Variants in SMAP1 observed in about 807,000 individuals in gnomAD.
The protein encoded by SMAP1 is stromal membrane-associated protein 1.
A neutral mutation model predicts 58.5 loss-of-function variants in SMAP1; 24 were observed. The ratio of observed to expected loss-of-function variants is 0.41; its 90% CI spans 0.30 to 0.58. The LOEUF (loss-of-function observed/expected upper bound fraction) is 0.58. SMAP1 is among the 20% of genes least tolerant of loss of function. The pLI is 0.29. For missense variants in SMAP1, 563 were observed against 566.3 expected (o/e 0.99, Z 0.06); for synonymous variants, 216 against 196.6 (o/e 1.10, Z -0.82).
chr6:70,786,310 A>G (rs1312700742), intron 4 of SMAP1, among the ~76,000 whole-genome samples: 1 of 146,532 alleles, frequency 6.8e-6, no homozygotes, highest in Non-Finnish European at 1.5e-5. Context: ...TCTCAAAATA[A>G]TAACAGCTAT....
intron 4 of SMAP1, among the ~76,000 whole-genome samples, chr6:70,786,183 C>G (rs917581956): frequency 2.0e-5 from 3 of 150,886 alleles, no homozygotes; most frequent in Non-Finnish European, 4.4e-5. Context: ...AGCATATAAA[C>G]AGAACCAAAG....
At chr6:70,684,823 C>G (rs1766866814) in intron 1 of SMAP1, among the ~76,000 whole-genome samples, 1 of 152,110 alleles carries the variant, frequency 6.6e-6, no homozygotes, top group Non-Finnish European at 1.5e-5. Context: ...GTAGTCACTG[C>G]TCTTCTCTTC....
intron 6 of SMAP1, among the ~76,000 whole-genome samples, chr6:70,810,997 ACAACTGTG>A (rs1769363732): frequency 6.6e-6 from 1 of 152,230 alleles, no homozygotes; most frequent in South Asian, 2.1e-4. Context: ...TAATCTGTGT[ACAACTGTG>A]TAATAACTTC....
chr6:70,810,566 C>T (rs1769342832), intron 6 of SMAP1, among the ~76,000 whole-genome samples: 2 of 151,942 alleles, frequency 1.3e-5, no homozygotes, highest in South Asian at 4.1e-4. Flanking sequence ...AATATTTTGA[C>T]TGACTTTTCT....
intron 7 of SMAP1, among the ~76,000 whole-genome samples, chr6:70,851,433 G>A (rs1771181051): frequency 6.6e-6 from 1 of 152,182 alleles, no homozygotes; most frequent in Non-Finnish European, 1.5e-5. Flanking sequence ...ATTCATTGTT[G>A]AAAAGGTTTT....
intron 5 of SMAP1, among the ~76,000 whole-genome samples, chr6:70,794,206 A>T (rs1768497997): frequency 6.6e-6 from 1 of 152,178 alleles, no homozygotes; most frequent in African/African-American, 2.4e-5. Context: ...ACTATTTTAA[A>T]ATATAAAATA....
chr6:70,789,517 T>A (rs1768244456), intron 4 of SMAP1, among the ~76,000 whole-genome samples: 1 of 151,984 alleles, frequency 6.6e-6, no homozygotes. Flanking sequence ...CATTGACTTT[T>A]CAAATGTCTT....
rs751015500 is a variant in SMAP1 at position 70,858,139 on chromosome 6, C to T, written c.1179C>T (p.Gly393=). The change falls in exon 10 of 11, where the codon GGC becomes GGT. Residue 393 remains glycine, a synonymous_variant. Transcript: ENST00000370455. ...GVMPLPQNVV[G]PQGGMVGQMG... ...TGCCACTTCCTCAGAACGTTGTTGG[C>T]CCCCAAGGAGGAATGGTGGGACAAA... 2.5e-6 allele frequency: 4 copies of T among 1,613,932 alleles called. No individual in the cohort carries two copies. In the Admixed American group the frequency reaches 5.0e-5, roughly 20 times the overall value.
At chr6:70,847,818 T>C (rs1771048808) in intron 7 of SMAP1, among the ~76,000 whole-genome samples, 1 of 152,230 alleles carries the variant, frequency 6.6e-6, no homozygotes, top group Non-Finnish European at 1.5e-5. Context: ...GAATTCTGAT[T>C]AGTTTTCACA....
chr6:70,681,852 G>T (rs2128552053), intron 1 of SMAP1, among the ~76,000 whole-genome samples: 1 of 152,280 alleles, frequency 6.6e-6, no homozygotes, highest in East Asian at 1.9e-4. Context: ...CTAGGTGCAG[G>T]ATTTTCTATT....
intron 1 of SMAP1, among the ~76,000 whole-genome samples, chr6:70,695,356 T>C (rs1444684537): frequency 2.6e-5 from 4 of 152,204 alleles, no homozygotes; most frequent in Non-Finnish European, 5.9e-5. Context: ...CCTTGTCTTG[T>C]TCCAGGTCTT....
rs565158933 is a variant in SMAP1, at chr6:70,671,581, GAAAAAC to G, written c.118+3457_118+3462del. 2.6e-4 allele frequency among the ~76,000 whole-genome samples: 39 copies of G among 152,136 alleles called. No homozygotes were observed. The South Asian group carries it at 6.2e-3, about 24-fold the overall frequency. The stretch of plus-strand genomic sequence containing the variant: ...TGACAGAACAAGACTCCGTCTCAGG[GAAAAAC>G]AAAAACAAAAACAAAACATATAGAT... On this transcript the variant is annotated intron_variant, in intron 1 of 10. Transcript: ENST00000370455.
chr6:70,682,524 A>C (rs1307479742), intron 1 of SMAP1, among the ~76,000 whole-genome samples: 1 of 152,176 alleles, frequency 6.6e-6, no homozygotes, highest in Non-Finnish European at 1.5e-5. Flanking sequence ...TAAATGTTTT[A>C]AAATAATTTA....
chr6:70,850,403 C>T (rs1373187026), intron 7 of SMAP1, among the ~76,000 whole-genome samples: 3 of 151,822 alleles, frequency 2.0e-5, no homozygotes, highest in Non-Finnish European at 4.4e-5. Context: ...ACAACTATAA[C>T]GGAAAAACTG....
At chr6:70,675,065 T>C (rs1006198479) in intron 1 of SMAP1, among the ~76,000 whole-genome samples, 1 of 151,910 alleles carries the variant, frequency 6.6e-6, no homozygotes, top group Non-Finnish European at 1.5e-5. Context: ...ACCAGTTAAC[T>C]TCTAATCTAT....
chr6:70,823,262 G>A (rs914557962), intron 6 of SMAP1, among the ~76,000 whole-genome samples: 2 of 152,078 alleles, frequency 1.3e-5, no homozygotes, highest in African/African-American at 4.8e-5. Context: ...TTAATATTTC[G>A]GGGGAGGGGA....
At chr6:70,770,771 C>G (rs181230939) in intron 3 of SMAP1, among the ~76,000 whole-genome samples, 12 of 152,310 alleles carry the variant, frequency 7.9e-5, no homozygotes, top group East Asian at 3.9e-4. Context: ...TCTCTGTCCA[C>G]CATTGTTCCG....
intron 5 of SMAP1, among the ~76,000 whole-genome samples, chr6:70,796,822 A>G (rs1048286605): frequency 6.6e-6 from 1 of 152,298 alleles, no homozygotes; most frequent in African/African-American, 2.4e-5. Context: ...CACAAGTTCA[A>G]CTTTATGTTG....
At chr6:70,682,981 T>C (rs897307784) in intron 1 of SMAP1, among the ~76,000 whole-genome samples, 5 of 151,882 alleles carry the variant, frequency 3.3e-5, no homozygotes, top group Admixed American at 2.0e-4. Context: ...GAGGTTGCAG[T>C]GAAAGGAGAT....
Sources: gnomAD v4.1 joint callset for allele counts (sites outside exome capture counted in the v4.1 genomes callset) on GRCh38, gnomAD v4.1.1 for gene constraint, MANE v1.5 for transcripts, NCBI Gene and HGNC (gene_info 2026-07-23, HGNC 2026-07-21) for gene names.